Variants in SNX29 observed in about 807,000 individuals in gnomAD.
The protein encoded by SNX29 is sorting nexin 29.
In SNX29, 78 loss-of-function variants were observed where a neutral mutation model predicts 102.1. The observed-to-expected ratio is 0.76, with a 90% CI of 0.64 to 0.92. The LOEUF (loss-of-function observed/expected upper bound fraction) is 0.92, where lower values mean the gene tolerates loss of function less well. Among genes scored for constraint, SNX29 ranks in the 40% least tolerant of loss-of-function variants. The pLI is 0.00. For synonymous variants in SNX29, 580 were observed against 414.5 expected, an observed-to-expected ratio of 1.40 and a Z score of -4.85; for missense variants, 1,280 against 1,061.7, an observed-to-expected ratio of 1.21 and a Z score of -2.86.
intron 14 of SNX29, among the ~76,000 whole-genome samples, chr16:12,217,636 G>T (rs927777621): frequency 1.1e-4 from 17 of 152,202 alleles, no homozygotes; most frequent in Admixed American, 3.9e-4. Flanking sequence ...AAGATGGCCA[G>T]CTGCTTTTAG....
intron 13 of SNX29, among the ~76,000 whole-genome samples, chr16:12,184,807 G>A (rs952830405): frequency 3.3e-5 from 5 of 152,240 alleles, no homozygotes; most frequent in Admixed American, 6.5e-5. Flanking sequence ...TTACTCAAGC[G>A]TAGACTAGCA....
At chr16:12,449,437 G>A (rs2086206015) in intron 18 of SNX29, among the ~76,000 whole-genome samples, 1 of 152,076 alleles carries the variant, frequency 6.6e-6, no homozygotes, top group African/African-American at 2.4e-5. Context: ...ATTATGCAGT[G>A]CAAAGCAGGT....
chr16:12,443,059 C>T (rs1394936688), intron 18 of SNX29: 9 of 455,660 alleles, frequency 2.0e-5, no homozygotes, highest in Admixed American at 1.9e-4. Flanking sequence ...GCAGGCCAGG[C>T]GTCCAGCCTG....
At chr16:12,165,581 G>T (rs1000995105) in intron 13 of SNX29, among the ~76,000 whole-genome samples, 28 of 152,052 alleles carry the variant, frequency 1.8e-4, no homozygotes, top group African/African-American at 6.5e-4. Context: ...TATATTTTGA[G>T]ACAGAGTCTT....
chr16:12,537,066 G>T (rs548746109), intron 20 of SNX29, among the ~76,000 whole-genome samples: 2 of 152,142 alleles, frequency 1.3e-5, no homozygotes, highest in East Asian at 3.9e-4. Context: ...TTTAGGAGAC[G>T]ATGTAGATTT....
intron 13 of SNX29, among the ~76,000 whole-genome samples, chr16:12,154,109 C>G (rs994070057): frequency 2.6e-5 from 4 of 152,182 alleles, no homozygotes; most frequent in Non-Finnish European, 4.4e-5. Context: ...TTTTCCCTCT[C>G]TCCCTACCTT....
At chr16:12,244,579 C>T (rs2078207105) in intron 14 of SNX29, among the ~76,000 whole-genome samples, 1 of 151,934 alleles carries the variant, frequency 6.6e-6, no homozygotes, top group African/African-American at 2.4e-5. Flanking sequence ...CATTGCACTC[C>T]AGCCTAGGTG....
chr16:12,081,674 C>CAAAAAAAAAAAAA (rs1196859241), intron 11 of SNX29: 3 of 95,384 alleles, frequency 3.1e-5, no homozygotes, highest in Non-Finnish European at 4.0e-5. Context: ...CTCTTTGTCT[C>CAAAAAAAAAAAAA]AAAAAAAAAA....
chr16:12,547,030 G>A (rs576215256), intron 20 of SNX29, among the ~76,000 whole-genome samples: 18 of 150,840 alleles, frequency 1.2e-4, no homozygotes, highest in African/African-American at 4.2e-4. Context: ...AGCAGATAAA[G>A]CATCTGTTTT....
Position 12,563,598 on chromosome 16 carries a change from G to T in SNX29, c.2319-4908G>T, listed in dbSNP as rs556611129. On this transcript the variant is annotated intron_variant, in intron 20 of 20. Transcript: ENST00000566228. ...GGTGGTGGCTTAGGCCTCCATGTCT[G>T]TATCACCACATCTCACAGACGAGAC... Among the ~76,000 whole-genome samples the T allele has an allele frequency of 7.4e-4, 93 of 126,270 alleles. 1 individual carries two copies. Among genetic ancestry groups the T allele is most frequent in the African/African-American group, 2.4e-3 (88 of 36,570 alleles). The allele number at this position is 126,270 out of a possible 152,430, so 82.8% of individuals were successfully genotyped here. A position where few individuals can be genotyped will look rare whatever the true frequency, so the allele number is the denominator to read the frequency against.
intron 16 of SNX29, chr16:12,366,892 C>G (rs980628110): frequency 7.4e-6 from 1 of 136,042 alleles, no homozygotes. Context: ...CTGCCTGACT[C>G]TCTCTCTCTG....
chr16:12,121,706 C>T (rs2053980496), intron 11 of SNX29, among the ~76,000 whole-genome samples: 2 of 152,212 alleles, frequency 1.3e-5, no homozygotes, highest in Admixed American at 6.5e-5. Flanking sequence ...TTGTCTCTGT[C>T]CAGGCCTCTG....
At chr16:12,213,050 G>T (rs2077229448) in intron 14 of SNX29, among the ~76,000 whole-genome samples, 1 of 152,190 alleles carries the variant, frequency 6.6e-6, no homozygotes, top group South Asian at 2.1e-4. Context: ...GGAGGTGGAG[G>T]TTGCAGTGAG....
chr16:12,403,985 G>A (rs1029763679), intron 18 of SNX29, among the ~76,000 whole-genome samples: 3 of 152,140 alleles, frequency 2.0e-5, no homozygotes, highest in Non-Finnish European at 2.9e-5. Context: ...CTGGAAGGGC[G>A]GGTCTCACTG....
In SNX29 at chr16:12,573,759, G is replaced by T. The variant is rs1053420089; in HGVS notation, c.*5130G>T. The T allele has an allele frequency of 4.5e-6, 1 of 222,512 alleles. No individual in the cohort carries two copies. The highest frequency in any genetic ancestry group is 9.0e-6 in the Non-Finnish European group (1 of 111,306). The allele number at this position is 222,512 out of a possible 1,614,324, so 13.8% of individuals were successfully genotyped here. On this transcript the variant is annotated 3_prime_UTR_variant, in exon 21 of 21. Coordinates refer to ENST00000566228, the MANE Select transcript of SNX29 (RefSeq NM_032167.5). ...ACATTTGCACCCAGAGCTACTAAAC[G>T]CTCAGTGACCCCAGAGACCATTAAT...
intron 4 of SNX29, among the ~76,000 whole-genome samples, chr16:12,029,097 C>T (rs2057272207): frequency 6.6e-6 from 1 of 151,580 alleles, no homozygotes; most frequent in African/African-American, 2.4e-5. Context: ...TCACTTTCAA[C>T]AGATGTTTGC....
At chr16:12,532,951 G>C (rs1220789565) in intron 20 of SNX29, among the ~76,000 whole-genome samples, 1 of 152,262 alleles carries the variant, frequency 6.6e-6, no homozygotes, top group East Asian at 1.9e-4. Flanking sequence ...GTTGGCTGCG[G>C]ACCCAGGGAG....
chr16:12,076,564 A>G (rs367970680), intron 10 of SNX29, among the ~76,000 whole-genome samples: 53 of 152,238 alleles, frequency 3.5e-4, no homozygotes, highest in African/African-American at 1.2e-3. Flanking sequence ...GGCCTCCCAA[A>G]GTGCTGGGAT....
intron 19 of SNX29, among the ~76,000 whole-genome samples, chr16:12,490,333 A>G (rs2088482865): frequency 6.6e-6 from 1 of 152,202 alleles, no homozygotes; most frequent in Admixed American, 6.5e-5. Flanking sequence ...TCTTTCTCTC[A>G]GCATCACATC....
Sources: gnomAD v4.1 joint callset for allele counts (sites outside exome capture counted in the v4.1 genomes callset) on GRCh38, gnomAD v4.1.1 for gene constraint, MANE v1.5 for transcripts, NCBI Gene and HGNC (gene_info 2026-07-23, HGNC 2026-07-21) for gene names.